The following PRRX2 variants were observed in gnomAD, a reference collection of about 807,000 sequenced individuals.
PRRX2 encodes paired related homeobox 2.
PRRX2 carries 11 observed loss-of-function variants against 18.0 expected under a neutral mutation model. That is an observed-to-expected ratio of 0.61 (90% CI 0.39 to 1.01). The LOEUF is 1.01. Ranked by LOEUF, PRRX2 falls within the 50% of genes least tolerant of loss-of-function variation. The pLI is 0.01. For synonymous variants in PRRX2, 177 were observed against 154.8 expected, an observed-to-expected ratio of 1.14 and a Z score of -1.06; for missense variants, 387 against 351.0, an observed-to-expected ratio of 1.10 and a Z score of -0.82.
chr9:129,719,132 G>T, intron 1 of PRRX2, 99 bp from the exon 2 acceptor site: 2 of 1,179,988 alleles, frequency 1.7e-6, no homozygotes, highest in Admixed American at 3.1e-5. Flanking sequence ...CCTGGCGGCG[G>T]CACTAAAGCA....
At chr9:129,719,443 C>A in intron 2 of PRRX2, 25 bp downstream of exon 2, 1 of 1,480,560 alleles carries the variant, frequency 6.8e-7, no homozygotes, top group Admixed American at 2.3e-5. Context: ...CCGGGCCTCC[C>A]GTGGGAGCGT....
At chr9:129,711,705 G>A (rs1182865042) in intron 1 of PRRX2, among the ~76,000 whole-genome samples, 3 of 152,014 alleles carry the variant, frequency 2.0e-5, no homozygotes, top group Non-Finnish European at 4.4e-5. Flanking sequence ...CACGGCGCCC[G>A]GCCTCAGGTG....
chr9:129,679,755 C>T (rs556484433), intron 1 of PRRX2, among the ~76,000 whole-genome samples: 27 of 152,168 alleles, frequency 1.8e-4, no homozygotes, highest in Non-Finnish European at 3.4e-4. Flanking sequence ...GGCAGGCGGG[C>T]TAGGGGCAGG....
At chr9:129,698,984 C>A (rs1402923537) in intron 1 of PRRX2, among the ~76,000 whole-genome samples, 1 of 152,222 alleles carries the variant, frequency 6.6e-6, no homozygotes, top group Non-Finnish European at 1.5e-5. Context: ...CTGTCCCTTC[C>A]CTCCCAGGGC....
At chr9:129,683,463 C>T (rs990938806) in intron 1 of PRRX2, among the ~76,000 whole-genome samples, 3 of 152,164 alleles carry the variant, frequency 2.0e-5, no homozygotes, top group Non-Finnish European at 2.9e-5. Context: ...AGGCCGGGCG[C>T]GGTGGCTCAC....
chr9:129,699,736 A>G (rs1832471472), intron 1 of PRRX2, among the ~76,000 whole-genome samples: 1 of 152,214 alleles, frequency 6.6e-6, no homozygotes, highest in African/African-American at 2.4e-5. Flanking sequence ...GGTCCAGCCC[A>G]GCTTTCTGGG....
chr9:129,701,837 C>T (rs1460248948), intron 1 of PRRX2, among the ~76,000 whole-genome samples: 4 of 152,182 alleles, frequency 2.6e-5, no homozygotes, highest in Non-Finnish European at 5.9e-5. Context: ...CAGTGGCTCA[C>T]GCCTGTAATC....
rs773912196 is a variant in PRRX2, at chr9:129,720,626, C to A, written c.478C>A (p.Arg160Ser). 6.2e-7 allele frequency: 1 copy of A among 1,612,592 alleles called. No homozygotes were observed. The highest frequency in any genetic ancestry group is 8.5e-7 in the Non-Finnish European group (1 of 1,179,226). The change falls in exon 3 of 4, where the codon CGC becomes AGC. Residue 160 changes from arginine to serine, a missense_variant. Coordinates refer to ENST00000372469, the MANE Select transcript of PRRX2 (RefSeq NM_016307.4). The part of the protein sequence containing the change: ...VWFQNRRAKF[R>S]RNERAMLASR... ...GTTTCAGAACCGCCGCGCCAAGTTC[C>A]GCAGGAATGAAAGGGCCATGCTGGC...
intron 1 of PRRX2, among the ~76,000 whole-genome samples, chr9:129,701,823 G>C (rs1294360990): frequency 6.6e-6 from 1 of 152,174 alleles, no homozygotes; most frequent in Non-Finnish European, 1.5e-5. Flanking sequence ...CCTTAGGCCA[G>C]GCGCAGTGGC....
At chr9:129,684,803 A>G (rs1442559705) in intron 1 of PRRX2, among the ~76,000 whole-genome samples, 1 of 152,176 alleles carries the variant, frequency 6.6e-6, no homozygotes, top group East Asian at 1.9e-4. Context: ...GGTACATCTC[A>G]TGTATTGTCT....
chr9:129,674,970 A>G (rs1472287913), intron 1 of PRRX2, among the ~76,000 whole-genome samples: 2 of 152,106 alleles, frequency 1.3e-5, no homozygotes, highest in African/African-American at 4.8e-5. Flanking sequence ...GTCTGCATTC[A>G]ATAGCCCCCT....
rs187919870 is a variant in PRRX2 at position 129,686,672 on chromosome 9, C to T, written c.259+20546C>T. Among the ~76,000 whole-genome samples, 302 of 152,316 alleles carry T rather than the reference C, an allele frequency of 2.0e-3. 1 individual carries two copies. Among genetic ancestry groups the T allele is most frequent in the African/African-American group, 7.0e-3 (292 of 41,570 alleles). On this transcript the variant is annotated intron_variant, in intron 1 of 3. Coordinates refer to ENST00000372469, the MANE Select transcript of PRRX2 (RefSeq NM_016307.4). ...GATTACAGGCTACAGCCACCACACA[C>T]AGCTGACCCTCTTACTTTTGCAGCC...
chr9:129,722,432 T>C lies in PRRX2; in HGVS notation c.*80T>C, dbSNP rs1588179371. ...GGGGCAGACGCCCAGGAAGTGACCTTCTCCTGGATGAGCTCTCCTGGCCCG... is the reference window on the plus strand; with the variant it reads ...GGGGCAGACGCCCAGGAAGTGACCTCCTCCTGGATGAGCTCTCCTGGCCCG... On this transcript the variant is annotated 3_prime_UTR_variant, in exon 4 of 4. Coordinates refer to ENST00000372469, the MANE Select transcript of PRRX2 (RefSeq NM_016307.4). 1.3e-6 allele frequency: 2 copies of C among 1,524,054 alleles called. No homozygotes were observed. Among genetic ancestry groups the C allele is most frequent in the East Asian group, 4.7e-5 (2 of 42,474 alleles). The allele number at this position is 1,524,054 out of a possible 1,614,324, so 94.4% of individuals were successfully genotyped here. A position where few individuals can be genotyped will look rare whatever the true frequency, so the allele number is the denominator to read the frequency against.
chr9:129,687,871 C>T (rs1362356205), intron 1 of PRRX2, among the ~76,000 whole-genome samples: 4 of 152,172 alleles, frequency 2.6e-5, no homozygotes, highest in Admixed American at 6.5e-5. Context: ...GACAGTAGCC[C>T]CCTCGCACAG....
chr9:129,718,873 CCTT>C (rs935315057), intron 1 of PRRX2, among the ~76,000 whole-genome samples: 3 of 152,158 alleles, frequency 2.0e-5, no homozygotes, highest in Non-Finnish European at 4.4e-5. Flanking sequence ...CCTGAGCCCT[CCTT>C]GAGCAGGTCA....
intron 1 of PRRX2, among the ~76,000 whole-genome samples, chr9:129,692,793 A>C (rs181077711): frequency 1.2e-4 from 18 of 152,200 alleles, no homozygotes; most frequent in Admixed American, 3.9e-4. Context: ...TTATCCATTC[A>C]CCTACTGGAG....
chr9:129,704,733 G>A (rs934144667), intron 1 of PRRX2, among the ~76,000 whole-genome samples: 63 of 152,200 alleles, frequency 4.1e-4, no homozygotes, highest in African/African-American at 1.4e-3. Flanking sequence ...TTCAGACCCT[G>A]AGTCCTCGAG....
At chr9:129,686,671 A>T (rs888527785) in intron 1 of PRRX2, among the ~76,000 whole-genome samples, 1 of 152,052 alleles carries the variant, frequency 6.6e-6, no homozygotes, top group African/African-American at 2.4e-5. Flanking sequence ...GCCACCACAC[A>T]CAGCTGACCC....
intron 2 of PRRX2, among the ~76,000 whole-genome samples, chr9:129,720,285 G>A (rs901378740): frequency 2.6e-5 from 4 of 151,582 alleles, no homozygotes; most frequent in Non-Finnish European, 5.9e-5. Flanking sequence ...CTCCCCCCGA[G>A]TGCTCAGCAA....
Sources: allele counts gnomAD v4.1 joint callset (sites outside exome capture counted in the v4.1 genomes callset), GRCh38; gene constraint gnomAD v4.1.1; transcripts MANE v1.5; gene names NCBI Gene and HGNC (gene_info 2026-07-23, HGNC 2026-07-21).